The following PAN3 variants were observed in gnomAD, a reference collection of about 807,000 sequenced individuals.
PAN3 encodes PAN2-PAN3 deadenylation complex subunit PAN3.
In PAN3, 19 loss-of-function variants were observed where a neutral mutation model predicts 96.2. That is an observed-to-expected ratio of 0.20 (90% CI 0.14 to 0.29). The LOEUF (loss-of-function observed/expected upper bound fraction) is 0.29, where lower values mean the gene tolerates loss of function less well. Among genes scored for constraint, PAN3 ranks in the 10% least tolerant of loss-of-function variants. The probability of loss-of-function intolerance (pLI) is 1.00; values close to 1 mark genes in which losing one functional copy is unlikely to be tolerated. For missense variants in PAN3, 882 were observed against 1,108.1 expected, an observed-to-expected ratio of 0.80 and a Z score of 2.90; for synonymous variants, 433 against 406.6, an observed-to-expected ratio of 1.06 and a Z score of -0.78.
At chr13:28,176,589 G>A (rs1875041081) in intron 3 of PAN3, 30 bp downstream of exon 3, 6 of 1,590,562 alleles carry the variant, frequency 3.8e-6, no homozygotes, top group Non-Finnish European at 5.2e-6. Flanking sequence ...GCTTATGTGT[G>A]TCTGTGTATA....
intron 4 of PAN3, 125 bp downstream of exon 4, chr13:28,178,060 C>T (rs980654716): frequency 4.1e-5 from 31 of 763,418 alleles, no homozygotes; most frequent in Non-Finnish European, 6.6e-5. Context: ...TAGTGTTTTT[C>T]CTGCCTTTTG....
At chr13:28,239,098 G>T (rs1363954087) in intron 6 of PAN3, among the ~76,000 whole-genome samples, 1 of 150,290 alleles carries the variant, frequency 6.7e-6, no homozygotes. Context: ...AGTTACTCTA[G>T]ATATCCAAAC....
intron 5 of PAN3, among the ~76,000 whole-genome samples, chr13:28,201,654 C>A (rs1224782631): frequency 6.6e-6 from 1 of 152,124 alleles, no homozygotes. Flanking sequence ...TCCACCTTAG[C>A]CTCCCAAAAT....
At chr13:28,202,424 G>A (rs1878834643) in intron 5 of PAN3, among the ~76,000 whole-genome samples, 1 of 151,614 alleles carries the variant, frequency 6.6e-6, no homozygotes, top group Non-Finnish European at 1.5e-5. Flanking sequence ...ATTTTTTTTA[G>A]GATTTATTCT....
At chr13:28,153,739 A>G (rs1242266850) in intron 1 of PAN3, among the ~76,000 whole-genome samples, 1 of 152,110 alleles carries the variant, frequency 6.6e-6, no homozygotes, top group Non-Finnish European at 1.5e-5. Flanking sequence ...CCCAAACCCA[A>G]CCCTCCAGAT....
intron 1 of PAN3, among the ~76,000 whole-genome samples, chr13:28,153,326 C>T (rs1398202895): frequency 2.1e-5 from 3 of 146,008 alleles, no homozygotes; most frequent in Admixed American, 7.0e-5. Context: ...ACCTCAGCAT[C>T]CTGGGTTCAA....
rs144137439 is a variant in PAN3 at position 28,293,421 on chromosome 13, G to A, written c.*899G>A. On this transcript the variant is annotated 3_prime_UTR_variant, in exon 19 of 19. Coordinates refer to ENST00000380958, the MANE Select transcript of PAN3 (RefSeq NM_175854.8). ...TTTTTTTTTTTTTTTTTTTTTGGGC[G>A]GGGGGGAGGTTTATGAAGTTTTGCT... The A allele has an allele frequency of 9.2e-5, 10 of 108,356 alleles. No homozygotes were observed. The highest frequency in any genetic ancestry group is 2.6e-4 in the Admixed American group (3 of 11,558). 6.7% of individuals were successfully genotyped at this position (108,356 alleles called of 1,614,324 possible).
intron 12 of PAN3, 114 bp downstream of exon 12, chr13:28,267,515 A>T: frequency 1.2e-6 from 1 of 854,518 alleles, no homozygotes; most frequent in Non-Finnish European, 1.8e-6. Flanking sequence ...TAGTTTAAAG[A>T]CTCTATTACA....
At chr13:28,157,179 C>G (rs1468945892) in intron 1 of PAN3, among the ~76,000 whole-genome samples, 1 of 151,952 alleles carries the variant, frequency 6.6e-6, no homozygotes, top group Non-Finnish European at 1.5e-5. Context: ...TTCAACATCC[C>G]TTCATGTTAA....
At chr13:28,281,794 C>T (rs975332427) in intron 17 of PAN3, among the ~76,000 whole-genome samples, 3 of 136,076 alleles carry the variant, frequency 2.2e-5, no homozygotes, top group Non-Finnish European at 3.1e-5. Flanking sequence ...TTTCTTGAGA[C>T]GGAGTCTCCC....
At chr13:28,249,634 G>T (rs906970665) in intron 6 of PAN3, among the ~76,000 whole-genome samples, 4 of 151,940 alleles carry the variant, frequency 2.6e-5, no homozygotes, top group African/African-American at 9.7e-5. Context: ...ATTTTTAGTA[G>T]AGACGGGGTT....
At position 28,280,372 on chromosome 13, in the gene PAN3, A is replaced by T. The variant is rs762016709; in HGVS notation, c.2190-40A>T. The T allele has an allele frequency of 2.5e-6, 4 of 1,572,838 alleles. No homozygotes were observed. In the Admixed American group the frequency reaches 5.6e-5, roughly 22 times the overall value. ...TGGGTTATCTTGTTTTTTAAATTGCATGTTGGACATCCAAGTAATTCCTCT... is the reference window on the plus strand; with the variant it reads ...TGGGTTATCTTGTTTTTTAAATTGCTTGTTGGACATCCAAGTAATTCCTCT... On this transcript the variant is annotated intron_variant, in intron 15 of 18. Coordinates refer to ENST00000380958, the MANE Select transcript of PAN3 (RefSeq NM_175854.8).
chr13:28,228,094 T>C (rs1882190326), intron 6 of PAN3, among the ~76,000 whole-genome samples: 1 of 152,214 alleles, frequency 6.6e-6, no homozygotes, highest in Non-Finnish European at 1.5e-5. Flanking sequence ...TTTAGCTCAG[T>C]GATACCCAGA....
chr13:28,196,403 A>G (rs1365676601), intron 4 of PAN3, among the ~76,000 whole-genome samples: 1 of 152,204 alleles, frequency 6.6e-6, no homozygotes, highest in Non-Finnish European at 1.5e-5. Flanking sequence ...ATTTTCATGA[A>G]TAAAAGTCCT....
intron 4 of PAN3, among the ~76,000 whole-genome samples, chr13:28,180,987 G>A (rs996322974): frequency 2.0e-5 from 3 of 152,100 alleles, no homozygotes; most frequent in African/African-American, 7.2e-5. Flanking sequence ...GAATTCTCTA[G>A]ATCCTGAAGA....
At chr13:28,204,163 G>GT (rs1209280858) in intron 5 of PAN3, among the ~76,000 whole-genome samples, 2 of 152,120 alleles carry the variant, frequency 1.3e-5, no homozygotes, top group Non-Finnish European at 2.9e-5. Context: ...CAAGCAGGTG[G>GT]TGAATGGAAG....
chr13:28,144,847 G>T (rs1232648664), intron 1 of PAN3, among the ~76,000 whole-genome samples: 2 of 146,126 alleles, frequency 1.4e-5, no homozygotes, highest in Non-Finnish European at 3.0e-5. Flanking sequence ...CAGCTCCCAA[G>T]TAGCTGGGAT....
intron 9 of PAN3, among the ~76,000 whole-genome samples, chr13:28,262,620 A>C (rs1039709046): frequency 6.6e-6 from 1 of 151,466 alleles, no homozygotes; most frequent in African/African-American, 2.4e-5. Context: ...GTTTAAAAAG[A>C]AAAAAAAATG....
chr13:28,206,050 A>T (rs1379964755), intron 5 of PAN3, among the ~76,000 whole-genome samples: 1 of 151,758 alleles, frequency 6.6e-6, no homozygotes, highest in Admixed American at 6.6e-5. Flanking sequence ...TTATTTCTCT[A>T]TGTTGGTTAC....
Sources: allele counts gnomAD v4.1 joint callset (sites outside exome capture counted in the v4.1 genomes callset), GRCh38; gene constraint gnomAD v4.1.1; transcripts MANE v1.5; gene names NCBI Gene and HGNC (gene_info 2026-07-23, HGNC 2026-07-21).